HMCN1: variants seen among roughly 807,000 people sequenced by gnomAD.
The protein encoded by HMCN1 is hemicentin 1, also known as hemicentin-1.
In HMCN1, 321 loss-of-function variants were observed where a neutral mutation model predicts 625.9. The observed-to-expected ratio is 0.51, with a 90% confidence interval of 0.47 to 0.56. The LOEUF (loss-of-function observed/expected upper bound fraction) is 0.56, where lower values mean the gene tolerates loss of function less well. HMCN1 is among the 20% of genes least tolerant of loss of function. The pLI, the probability that HMCN1 is intolerant of heterozygous loss-of-function variation, is 0.00. For synonymous variants in HMCN1, 2,425 were observed against 2,417.6 expected, an observed-to-expected ratio of 1.00 and a Z score of -0.09; for missense variants, 6,588 against 6,887.3, an observed-to-expected ratio of 0.96 and a Z score of 1.54.
intron 93 of HMCN1, among the ~76,000 whole-genome samples, chr1:186,149,306 T>G (rs1361044360): frequency 6.6e-6 from 1 of 152,250 alleles, no homozygotes; most frequent in Non-Finnish European, 1.5e-5. Context: ...TATCAGTGAC[T>G]TAGCTACCTC....
intron 2 of HMCN1, among the ~76,000 whole-genome samples, chr1:185,856,806 C>T (rs754091906): frequency 6.6e-6 from 1 of 152,010 alleles, no homozygotes; most frequent in Non-Finnish European, 1.5e-5. Context: ...AATGAAAAGA[C>T]GAGAATAGAA....
At chr1:185,786,847 C>T (rs1657608439) in intron 1 of HMCN1, among the ~76,000 whole-genome samples, 1 of 152,166 alleles carries the variant, frequency 6.6e-6, no homozygotes, top group Non-Finnish European at 1.5e-5. Flanking sequence ...ATATCGTATA[C>T]TATGTGTCAC....
At chr1:185,767,376 A>T (rs74133299) in intron 1 of HMCN1, among the ~76,000 whole-genome samples, 4 of 152,216 alleles carry the variant, frequency 2.6e-5, no homozygotes, top group Non-Finnish European at 5.9e-5. Context: ...TAAATATTTC[A>T]GTTAAATGGT....
chr1:186,156,864 A>T (rs1651060063), intron 97 of HMCN1, among the ~76,000 whole-genome samples: 3 of 152,180 alleles, frequency 2.0e-5, no homozygotes, highest in Non-Finnish European at 4.4e-5. Flanking sequence ...TATGTACTAA[A>T]CATTGTTCTA....
chr1:186,166,226 G>T lies in HMCN1; in HGVS notation c.15362G>T (p.Cys5121Phe). Residue 5121 changes from cysteine (C) to phenylalanine (F), a missense_variant, in exon 99 of 107, where the codon TGC (cysteine) becomes TTC (phenylalanine). Coordinates refer to ENST00000271588, the MANE Select transcript of HMCN1 (RefSeq NM_031935.3). ...CAAGNPCSHS[C>F]HNAMGTYYCS... The stretch of plus-strand genomic sequence containing the variant: ...GCAGGGAATCCCTGCTCCCATAGCT[G>T]CCACAATGCCATGGGGACTTACTAC... The T allele has an allele frequency of 1.2e-6, 2 of 1,613,956 alleles. No individual in the cohort carries two copies. The highest frequency in any genetic ancestry group is 1.7e-6 in the Non-Finnish European group (2 of 1,179,868).
intron 6 of HMCN1, among the ~76,000 whole-genome samples, chr1:185,918,078 G>T (rs1666813128): frequency 6.6e-6 from 1 of 152,182 alleles, no homozygotes; most frequent in South Asian, 2.1e-4. Flanking sequence ...ATATATGAAA[G>T]GGAGTTTATT....
intron 15 of HMCN1, 23 bp downstream of exon 15, chr1:185,970,516 C>A (rs1571638444): frequency 1.3e-6 from 2 of 1,592,446 alleles, no homozygotes; most frequent in East Asian, 2.2e-5. Context: ...ATCTTATAGG[C>A]CAATTTGTTT....
intron 68 of HMCN1, among the ~76,000 whole-genome samples, chr1:186,097,056 A>G (rs1388973080): frequency 6.6e-6 from 1 of 152,144 alleles, no homozygotes. Context: ...CAGGCAAAAA[A>G]ATAAAAGACA....
chr1:186,002,120 C>A (rs2102070069), intron 28 of HMCN1, among the ~76,000 whole-genome samples: 1 of 152,160 alleles, frequency 6.6e-6, no homozygotes, highest in South Asian at 2.1e-4. Context: ...CTGTGCATAT[C>A]CTGAAGCTGC....
At chr1:185,939,478 T>C (rs1389986774) in intron 11 of HMCN1, among the ~76,000 whole-genome samples, 2 of 152,194 alleles carry the variant, frequency 1.3e-5, no homozygotes, top group Admixed American at 6.5e-5. Context: ...GTGTACATGA[T>C]TGTTTGGGGG....
chr1:186,084,550 T>G (rs907456844), intron 57 of HMCN1, among the ~76,000 whole-genome samples: 3 of 152,124 alleles, frequency 2.0e-5, no homozygotes, highest in East Asian at 3.9e-4. Flanking sequence ...GTTATCTCCC[T>G]CTACAACTCT....
At chr1:185,962,766 C>T in intron 12 of HMCN1, 107 bp downstream of exon 12, 1 of 760,348 alleles carries the variant, frequency 1.3e-6, no homozygotes, top group Non-Finnish European at 2.4e-6. Context: ...GAGGTTTGAC[C>T]ACAATACTTA....
At chr1:186,097,119 AATAT>A (rs1303542331) in intron 68 of HMCN1, among the ~76,000 whole-genome samples, 1 of 152,106 alleles carries the variant, frequency 6.6e-6, no homozygotes, top group Non-Finnish European at 1.5e-5. Context: ...AGCATAATCT[AATAT>A]ATAGAAAACC....
intron 1 of HMCN1, among the ~76,000 whole-genome samples, chr1:185,834,007 C>T (rs1349014436): frequency 6.6e-6 from 1 of 152,120 alleles, no homozygotes; most frequent in African/African-American, 2.4e-5. Flanking sequence ...TTATAAATTG[C>T]TATAGTGACT....
chr1:186,078,377 A>G (rs1172160692), intron 55 of HMCN1, among the ~76,000 whole-genome samples, 157 bp downstream of exon 55: 2 of 152,228 alleles, frequency 1.3e-5, no homozygotes, highest in African/African-American at 4.8e-5. Context: ...ACAAATTGAC[A>G]GCACATTAGT....
intron 95 of HMCN1, among the ~76,000 whole-genome samples, 187 bp from the exon 96 acceptor site, chr1:186,152,563 A>G (rs1384334580): frequency 6.6e-6 from 1 of 152,264 alleles, no homozygotes. Context: ...AAATGTTAAA[A>G]GAAACTGAAT....
At chr1:186,164,277 T>A (rs1651727847) in intron 97 of HMCN1, among the ~76,000 whole-genome samples, 1 of 149,278 alleles carries the variant, frequency 6.7e-6, no homozygotes, top group East Asian at 1.9e-4. Flanking sequence ...TCTCGCTCTG[T>A]CCCCCAGGCT....
In HMCN1 at chr1:186,137,788, T is replaced by G. The variant is rs1031983813; in HGVS notation, c.13754-14T>G. 1 of 1,614,090 alleles carries G rather than the reference T, an allele frequency of 6.2e-7. No individual in the cohort carries two copies. The highest frequency in any genetic ancestry group is 1.3e-5 in the African/African-American group (1 of 75,028). On this transcript the variant is annotated splice_polypyrimidine_tract_variant and intron_variant, in intron 88 of 106. Transcript: ENST00000271588. The stretch of plus-strand genomic sequence containing the variant: ...GAAATATACCTGATGGTGTAATGGT[T>G]CACCTTTGTATAGTGGATGGTAGCT...
chr1:185,966,534 C>T (rs191857679), intron 14 of HMCN1, among the ~76,000 whole-genome samples: 1 of 152,164 alleles, frequency 6.6e-6, no homozygotes, highest in Admixed American at 6.6e-5. Context: ...TTCTGGTTCC[C>T]GCTCAGATGC....
Sources: allele counts gnomAD v4.1 joint callset (sites outside exome capture counted in the v4.1 genomes callset), GRCh38; gene constraint gnomAD v4.1.1; transcripts MANE v1.5; gene names NCBI Gene and HGNC (gene_info 2026-07-23, HGNC 2026-07-21).